Variants in IGF1 observed in about 807,000 individuals in gnomAD.
IGF1 encodes insulin like growth factor 1.
In IGF1, 4 loss-of-function variants were observed where a neutral mutation model predicts 13.8. The observed-to-expected ratio is 0.29, with a 90% CI of 0.14 to 0.66. The LOEUF is 0.66. IGF1 is among the 30% of genes least tolerant of loss of function. IGF1 has a pLI of 0.78. For synonymous variants in IGF1, 76 were observed against 72.6 expected (o/e 1.05, Z -0.23); for missense variants, 124 against 188.5 (o/e 0.66, Z 2.00).
intron 2 of IGF1, among the ~76,000 whole-genome samples, chr12:102,436,178 T>C (rs772257721): frequency 1.3e-5 from 2 of 152,192 alleles, no homozygotes; most frequent in Non-Finnish European, 2.9e-5. Flanking sequence ...AAAAAACACA[T>C]GTTGACCTTT....
intron 2 of IGF1, among the ~76,000 whole-genome samples, chr12:102,422,288 A>G (rs1242360516): frequency 1.3e-5 from 2 of 152,186 alleles, no homozygotes; most frequent in Non-Finnish European, 2.9e-5. Context: ...CCATAAATAT[A>G]ATTACCAATT....
chr12:102,428,771 T>G (rs920548101), intron 2 of IGF1, among the ~76,000 whole-genome samples: 6 of 152,250 alleles, frequency 3.9e-5, no homozygotes, highest in Non-Finnish European at 7.3e-5. Context: ...TCCTAGTGTT[T>G]AACATAGGCC....
chr12:102,459,575 G>A (rs1442156849), intron 2 of IGF1, among the ~76,000 whole-genome samples: 1 of 152,134 alleles, frequency 6.6e-6, no homozygotes, highest in Non-Finnish European at 1.5e-5. Flanking sequence ...GGTCTCCACT[G>A]TGCTCAACAC....
intron 3 of IGF1, among the ~76,000 whole-genome samples, chr12:102,416,060 T>G (rs2136985685): frequency 6.6e-6 from 1 of 152,210 alleles, no homozygotes; most frequent in South Asian, 2.1e-4. Context: ...TAATCCTGGG[T>G]TTTCAGTGAA....
chr12:102,438,002 T>C (rs1169325250), intron 2 of IGF1, among the ~76,000 whole-genome samples: 1 of 152,204 alleles, frequency 6.6e-6, no homozygotes, highest in South Asian at 2.1e-4. Context: ...GACAGATCCT[T>C]AGAAATCCTC....
chr12:102,449,793 G>A (rs528557610), intron 2 of IGF1, among the ~76,000 whole-genome samples: 67 of 151,654 alleles, frequency 4.4e-4, no homozygotes, highest in Non-Finnish European at 7.4e-4. Flanking sequence ...TAATTCGATG[G>A]TTCTTCTACC....
intron 2 of IGF1, among the ~76,000 whole-genome samples, chr12:102,449,344 A>G (rs1878697399): frequency 6.6e-6 from 1 of 150,642 alleles, no homozygotes; most frequent in Non-Finnish European, 1.5e-5. Flanking sequence ...GAGTTGAACA[A>G]TGAGAACACA....
At chr12:102,464,731 C>T (rs1032687412) in intron 2 of IGF1, among the ~76,000 whole-genome samples, 1 of 151,954 alleles carries the variant, frequency 6.6e-6, no homozygotes, top group African/African-American at 2.4e-5. Context: ...TCATCAAAGC[C>T]ATTCTCAAAC....
At chr12:102,408,405 T>G (rs553683528) in intron 3 of IGF1, among the ~76,000 whole-genome samples, 2 of 152,192 alleles carry the variant, frequency 1.3e-5, no homozygotes, top group Non-Finnish European at 2.9e-5. Context: ...GCGAGGGTCA[T>G]GCGATCTACT....
At chr12:102,407,094 CAAAAAAAAAAAAAAAAAAAAAAAAAAAAA>C (rs57468885) in intron 3 of IGF1, among the ~76,000 whole-genome samples, 3 of 100,982 alleles carry the variant, frequency 3.0e-5, no homozygotes, top group Admixed American at 9.7e-5. Flanking sequence ...ACTCTGTCTC[CAAAAAAAAAAAAAAAAAAAAAAAAAAAAA>C]AAAAAAAAAA....
At chr12:102,442,095 A>C (rs1877913740) in intron 2 of IGF1, among the ~76,000 whole-genome samples, 1 of 151,702 alleles carries the variant, frequency 6.6e-6, no homozygotes. Flanking sequence ...GACTGCAGGC[A>C]TGCATTACCA....
intron 2 of IGF1, among the ~76,000 whole-genome samples, chr12:102,424,239 C>CTTTTTTTTT (rs11305762): frequency 7.2e-6 from 1 of 139,118 alleles, no homozygotes; most frequent in African/African-American, 2.6e-5. Context: ...AAGTTGATCC[C>CTTTTTTTTT]TTTTTTTTTT....
chr12:102,475,698 C>G lies in IGF1; in HGVS notation c.165G>C (p.Gly55=). The G allele has an allele frequency of 6.2e-7, 1 of 1,614,196 alleles. No individual in the cohort carries two copies. Among genetic ancestry groups the G allele is most frequent in the Non-Finnish European group, 8.5e-7 (1 of 1,180,032 alleles). ...SATAGPETLC[G]AELVDALQFV... ...ACTGAAGAGCATCCACCAGCTCAGC[C>G]CCGCAGAGCGTCTCCGGTCCAGCCG... Residue 55 remains glycine, a synonymous_variant, in exon 2 of 4, where the codon GGG becomes GGC. Coordinates refer to ENST00000337514, the MANE Select transcript of IGF1 (RefSeq NM_000618.5).
intron 2 of IGF1, among the ~76,000 whole-genome samples, chr12:102,436,431 A>G (rs1436999441): frequency 6.6e-6 from 1 of 152,208 alleles, no homozygotes. Flanking sequence ...AACTTGCTCA[A>G]TTGTAAAATT....
chr12:102,403,027 C>G (rs370863540), intron 3 of IGF1, among the ~76,000 whole-genome samples: 22 of 151,950 alleles, frequency 1.4e-4, no homozygotes, highest in African/African-American at 5.3e-4. Flanking sequence ...TTCTTGTTTT[C>G]CTCTAGAGCA....
intron 2 of IGF1, among the ~76,000 whole-genome samples, chr12:102,457,346 G>T (rs935195354): frequency 2.6e-5 from 4 of 152,164 alleles, no homozygotes; most frequent in Non-Finnish European, 5.9e-5. Flanking sequence ...TGGACCGGGG[G>T]ATACAGAGGA....
Position 102,400,363 on chromosome 12 carries a change from A to G in IGF1, c.*2144T>C, listed in dbSNP as rs2136934516. The G allele has an allele frequency of 6.6e-6, 1 of 152,258 alleles. No individual in the cohort carries two copies. The highest frequency in any genetic ancestry group is 1.9e-4 in the East Asian group (1 of 5,184). The allele number at this position is 152,258 out of a possible 1,614,324, so 9.4% of individuals were successfully genotyped here. On this transcript the variant is annotated 3_prime_UTR_variant, in exon 4 of 4. Coordinates refer to ENST00000337514, the MANE Select transcript of IGF1 (RefSeq NM_000618.5). ...AAATCTTGATCTGCAGATAGGGATC[A>G]TTTTCTAGGCTATGATGGACTAGTA...
Position 102,458,730 on chromosome 12 carries a change from C to CAAAAAAAAAAAAAAAAAA in IGF1, c.220+16912_220+16913insTTTTTTTTTTTTTTTTTT, listed in dbSNP as rs397825972. 2.0e-4 allele frequency among the ~76,000 whole-genome samples: 15 copies of CAAAAAAAAAAAAAAAAAA among 73,404 alleles called. 1 individual carries two copies. The highest frequency in any genetic ancestry group is 6.7e-4 in the Admixed American group (3 of 4,506). 48.2% of individuals were successfully genotyped at this position (73,404 alleles called of 152,430 possible). ...TTAAGCAGATGGTAGGAACACTGAC[C>CAAAAAAAAAAAAAAAAAA]AAAAAAAAAAAAAAAAACCAAAAAC... On this transcript the variant is annotated intron_variant, in intron 2 of 3. Coordinates refer to ENST00000337514, the MANE Select transcript of IGF1 (RefSeq NM_000618.5).
At position 102,429,779 on chromosome 12, in the gene IGF1, G is replaced by T. The variant is rs182213067; in HGVS notation, c.221-10089C>A. Among the ~76,000 whole-genome samples the T allele has an allele frequency of 7.2e-4, 109 of 152,192 alleles. 1 individual carries two copies. The highest frequency in any genetic ancestry group is 2.5e-3 in the African/African-American group (105 of 41,520). The stretch of plus-strand genomic sequence containing the variant: ...TCTTTTTTCTTACATACTCAAACAT[G>T]CTGTGAATGGCCACATCACTCTGCT... On this transcript the variant is annotated intron_variant, in intron 2 of 3. Coordinates refer to ENST00000337514, the MANE Select transcript of IGF1 (RefSeq NM_000618.5).
Sources: gnomAD v4.1 joint callset for allele counts (sites outside exome capture counted in the v4.1 genomes callset) on GRCh38, gnomAD v4.1.1 for gene constraint, MANE v1.5 for transcripts, NCBI Gene and HGNC (gene_info 2026-07-23, HGNC 2026-07-21) for gene names.